LIPI: variants seen among roughly 807,000 people sequenced by gnomAD.
LIPI encodes the protein lipase member I.
Under a neutral mutation model 50.6 loss-of-function variants are expected in LIPI, and 59 were observed. The ratio of observed to expected loss-of-function variants is 1.16; its 90% CI spans 0.94 to 1.45. The LOEUF (loss-of-function observed/expected upper bound fraction) is 1.45, where lower values mean the gene tolerates loss of function less well. LIPI is among the 40% of genes most tolerant of loss of function. LIPI has a pLI of 0.00. For missense variants in LIPI, 586 were observed against 536.3 expected, an observed-to-expected ratio of 1.09 and a Z score of -0.92; for synonymous variants, 203 against 178.2, an observed-to-expected ratio of 1.14 and a Z score of -1.11.
intron 7 of LIPI, among the ~76,000 whole-genome samples, chr21:14,158,464 T>C (rs1167310479): frequency 6.6e-6 from 1 of 151,350 alleles, no homozygotes; most frequent in Non-Finnish European, 1.5e-5. Context: ...ACAGACTAAA[T>C]GATTACATTA....
intron 9 of LIPI, among the ~76,000 whole-genome samples, chr21:14,130,813 CA>C (rs58866310): frequency 0.33 from 49,833 of 151,906 alleles, 8,288 homozygotes; most frequent in East Asian, 0.45. Context: ...CCAACACAGC[CA>C]CCAGGAACAC....
chr21:14,200,981 T>G (rs1378924003), intron 1 of LIPI, among the ~76,000 whole-genome samples: 1 of 152,076 alleles, frequency 6.6e-6, no homozygotes, highest in Non-Finnish European at 1.5e-5. Context: ...AACTAGCTGA[T>G]CTTCAACAAA....
intron 3 of LIPI, among the ~76,000 whole-genome samples, chr21:14,183,163 T>C (rs910550984): frequency 1.8e-4 from 27 of 152,194 alleles, no homozygotes; most frequent in Non-Finnish European, 4.0e-4. Context: ...CCCTCAGAAA[T>C]AATGCTGCAT....
At chr21:14,144,191 A>G (rs1489144360) in intron 9 of LIPI, 4 of 154,478 alleles carry the variant, frequency 2.6e-5, no homozygotes, top group African/African-American at 7.2e-5. Flanking sequence ...GAGAAAGAAG[A>G]TATTGCTGGA....
chr21:14,121,238 T>G (rs969424701), intron 9 of LIPI, among the ~76,000 whole-genome samples: 1 of 152,176 alleles, frequency 6.6e-6, no homozygotes, highest in Non-Finnish European at 1.5e-5. Context: ...TCTTATAGAT[T>G]AAATGAAAAC....
intron 3 of LIPI, among the ~76,000 whole-genome samples, chr21:14,183,107 G>C (rs570504475): frequency 2.8e-3 from 432 of 152,284 alleles, no homozygotes; most frequent in Middle Eastern, 0.01. Context: ...AAACAGCATG[G>C]TACTGGTACC....
At chr21:14,202,188 C>T (rs1048126160) in intron 1 of LIPI, among the ~76,000 whole-genome samples, 1 of 152,112 alleles carries the variant, frequency 6.6e-6, no homozygotes, top group African/African-American at 2.4e-5. Context: ...AAAGAGGATA[C>T]AAACAAATGG....
rs1018150100 is a variant in LIPI, at chr21:14,202,492, T to G, written c.46+8308A>C. Among the ~76,000 whole-genome samples the G allele has an allele frequency of 3.1e-3, 469 of 152,044 alleles. 4 individuals carry two copies. Among genetic ancestry groups the G allele is most frequent in the African/African-American group, 0.011 (454 of 41,470 alleles). On this transcript the variant is annotated intron_variant, in intron 1 of 9. Transcript: ENST00000681601. ...ACTGGTACCAAAACAGAGATATAGA[T>G]CAATGGAACAGAACAGAGCCCTCAG...
At chr21:14,166,838 C>G (rs747989669) in intron 4 of LIPI, among the ~76,000 whole-genome samples, 43 of 152,214 alleles carry the variant, frequency 2.8e-4, no homozygotes, top group Non-Finnish European at 5.9e-4. Context: ...GTTCATCTCA[C>G]TAGGGAGTGC....
chr21:14,195,276 A>G (rs558329923), intron 1 of LIPI, among the ~76,000 whole-genome samples: 7 of 152,302 alleles, frequency 4.6e-5, no homozygotes, highest in African/African-American at 1.7e-4. Flanking sequence ...GATCCTTTGC[A>G]TACATGGGAT....
At chr21:14,185,704 C>T (rs763625057) in intron 3 of LIPI, among the ~76,000 whole-genome samples, 6 of 151,820 alleles carry the variant, frequency 4.0e-5, no homozygotes, top group Non-Finnish European at 7.4e-5. Flanking sequence ...ATGGTGAAAC[C>T]CTGTCTCTAC....
chr21:14,197,343 A>C (rs2019897880), intron 1 of LIPI, among the ~76,000 whole-genome samples: 1 of 152,102 alleles, frequency 6.6e-6, no homozygotes, highest in African/African-American at 2.4e-5. Context: ...CTTAGCATTA[A>C]GATTTGAAAA....
intron 9 of LIPI, among the ~76,000 whole-genome samples, chr21:14,142,322 G>T: frequency 6.6e-6 from 1 of 151,368 alleles, no homozygotes; most frequent in Non-Finnish European, 1.5e-5. Flanking sequence ...TTAAAAAATA[G>T]AATAAATTGA....
intron 8 of LIPI, among the ~76,000 whole-genome samples, chr21:14,151,673 T>C (rs2123092530): frequency 6.6e-6 from 1 of 152,312 alleles, no homozygotes; most frequent in South Asian, 2.1e-4. Context: ...GTTTATATCA[T>C]TCTTTTATTT....
intron 9 of LIPI, among the ~76,000 whole-genome samples, chr21:14,141,218 G>A (rs2017694646): frequency 6.6e-6 from 1 of 151,778 alleles, no homozygotes; most frequent in Non-Finnish European, 1.5e-5. Flanking sequence ...CTCCTCTTCA[G>A]CAACATTAGG....
intron 2 of LIPI, among the ~76,000 whole-genome samples, chr21:14,187,104 A>G (rs1482085314): frequency 3.9e-5 from 6 of 152,148 alleles, no homozygotes; most frequent in Non-Finnish European, 8.8e-5. Context: ...AGAGATGATG[A>G]AATTAATTTT....
chr21:14,165,009 A>G (rs1166252683), intron 6 of LIPI, among the ~76,000 whole-genome samples: 2 of 152,194 alleles, frequency 1.3e-5, no homozygotes, highest in Non-Finnish European at 2.9e-5. Context: ...ATAAAAAGGC[A>G]GTTGATCATG....
chr21:14,154,532 T>C (rs1027228273), intron 7 of LIPI, among the ~76,000 whole-genome samples: 2 of 152,018 alleles, frequency 1.3e-5, no homozygotes, highest in African/African-American at 4.8e-5. Flanking sequence ...TATAAGGAAG[T>C]ATTTGATGAT....
intron 9 of LIPI, among the ~76,000 whole-genome samples, chr21:14,131,172 G>A (rs2096926): frequency 0.13 from 19,323 of 151,866 alleles, 1,608 homozygotes; most frequent in East Asian, 0.42. Context: ...GGATGGTCTC[G>A]ATCCCCTGAT....
Sources: allele counts gnomAD v4.1 joint callset (sites outside exome capture counted in the v4.1 genomes callset), GRCh38; gene constraint gnomAD v4.1.1; transcripts MANE v1.5; gene names NCBI Gene and HGNC (gene_info 2026-07-23, HGNC 2026-07-21).